The following EBF1 variants were observed in gnomAD, a reference collection of about 807,000 sequenced individuals.
The protein encoded by EBF1 is transcription factor COE1.
In EBF1, 10 loss-of-function variants were observed where a neutral mutation model predicts 68.4. That is an observed-to-expected ratio of 0.15 (90% CI 0.09 to 0.25). EBF1 has a LOEUF of 0.25. Among genes scored for constraint, EBF1 ranks in the 10% least tolerant of loss-of-function variants. The probability of loss-of-function intolerance (pLI) is 1.00; values close to 1 mark genes in which losing one functional copy is unlikely to be tolerated. For synonymous variants in EBF1, 298 were observed against 299.8 expected, an observed-to-expected ratio of 0.99 and a Z score of 0.06; for missense variants, 509 against 794.4, an observed-to-expected ratio of 0.64 and a Z score of 4.32.
chr5:158,947,257 G>A (rs1242225537), intron 6 of EBF1, among the ~76,000 whole-genome samples: 1 of 152,106 alleles, frequency 6.6e-6, no homozygotes, highest in Non-Finnish European at 1.5e-5. Flanking sequence ...AACTCCTGCA[G>A]CTAGCTCGGT....
chr5:158,979,147 T>C (rs933463623), intron 6 of EBF1, among the ~76,000 whole-genome samples: 64 of 152,286 alleles, frequency 4.2e-4, no homozygotes, highest in Non-Finnish European at 2.9e-5. Flanking sequence ...TTGGAGACTA[T>C]AGGAAAACAG....
Position 158,975,234 on chromosome 5 carries a change from C to G in EBF1, c.554+98162G>C, listed in dbSNP as rs371606471. On this transcript the variant is annotated intron_variant, in intron 6 of 15. Coordinates refer to ENST00000313708, the MANE Select transcript of EBF1 (RefSeq NM_024007.5). ...TCTCACATTAAAACCCAGTCTCCTA[C>G]ACCTCCTGTATCTCTTTCCATAGTC... Among the ~76,000 whole-genome samples the G allele has an allele frequency of 2.0e-5, 3 of 152,346 alleles. No individual in the cohort carries two copies. In the East Asian group the frequency reaches 5.8e-4, roughly 29 times the overall value.
chr5:158,726,300 T>C (rs1762972120), intron 11 of EBF1, among the ~76,000 whole-genome samples: 1 of 152,138 alleles, frequency 6.6e-6, no homozygotes, highest in Non-Finnish European at 1.5e-5. Flanking sequence ...CTGAAGTCAA[T>C]TCTGTACTAT....
At chr5:158,802,147 T>C (rs1780712582) in intron 8 of EBF1, among the ~76,000 whole-genome samples, 1 of 152,088 alleles carries the variant, frequency 6.6e-6, no homozygotes, top group Non-Finnish European at 1.5e-5. Context: ...GCTCTTATTT[T>C]TCCTTCTGAA....
intron 4 of EBF1, among the ~76,000 whole-genome samples, chr5:159,093,190 C>T (rs1326073358): frequency 6.6e-6 from 1 of 152,116 alleles, no homozygotes; most frequent in Non-Finnish European, 1.5e-5. Context: ...AACCTACTTC[C>T]AAAACTCTTG....
chr5:158,851,521 G>C (rs1163242628), intron 6 of EBF1, among the ~76,000 whole-genome samples: 9 of 57,680 alleles, frequency 1.6e-4, no homozygotes, highest in African/African-American at 6.5e-4. Flanking sequence ...GAAGGGGAGG[G>C]GGGAGAAAGG....
intron 6 of EBF1, among the ~76,000 whole-genome samples, chr5:158,957,010 G>T (rs889406947): frequency 6.6e-6 from 1 of 152,056 alleles, no homozygotes; most frequent in African/African-American, 2.4e-5. Context: ...CACCTGTCTA[G>T]GCCTCCCAAA....
chr5:158,822,692 A>G (rs975676416), intron 8 of EBF1, among the ~76,000 whole-genome samples: 4 of 152,192 alleles, frequency 2.6e-5, no homozygotes, highest in African/African-American at 9.6e-5. Context: ...CTGATCTCCA[A>G]ATGAAGTTCA....
chr5:158,835,878 A>G (rs1788666524), intron 7 of EBF1, among the ~76,000 whole-genome samples: 1 of 152,228 alleles, frequency 6.6e-6, no homozygotes, highest in African/African-American at 2.4e-5. Flanking sequence ...ATGATAACTC[A>G]TGTAAAATAC....
chr5:158,974,724 A>G (rs1049776581), intron 6 of EBF1, among the ~76,000 whole-genome samples: 4 of 152,238 alleles, frequency 2.6e-5, no homozygotes, highest in African/African-American at 9.6e-5. Flanking sequence ...AGTATTTTGT[A>G]AATCCATATT....
chr5:158,828,113 C>G (rs1404100314), intron 7 of EBF1, among the ~76,000 whole-genome samples: 1 of 152,068 alleles, frequency 6.6e-6, no homozygotes, highest in Non-Finnish European at 1.5e-5. Flanking sequence ...AATCACAAAG[C>G]TTTAAAAATA....
chr5:158,945,122 T>C (rs556923597), intron 6 of EBF1, among the ~76,000 whole-genome samples: 1 of 152,362 alleles, frequency 6.6e-6, no homozygotes, highest in South Asian at 2.1e-4. Context: ...TTGCCTTTAG[T>C]ATTTTAGTCA....
chr5:158,914,622 G>A (rs1057282576), intron 6 of EBF1, among the ~76,000 whole-genome samples: 1 of 152,032 alleles, frequency 6.6e-6, no homozygotes, highest in Non-Finnish European at 1.5e-5. Context: ...AAGGAGGGGG[G>A]GAAATGCCCA....
chr5:158,987,253 G>A (rs1216476603), intron 6 of EBF1: 1 of 152,186 alleles, frequency 6.6e-6, no homozygotes, highest in African/African-American at 2.4e-5. Flanking sequence ...GATAGCATCA[G>A]TATCTCCTAC....
chr5:158,989,696 T>C (rs541539457), intron 6 of EBF1, among the ~76,000 whole-genome samples: 3 of 152,290 alleles, frequency 2.0e-5, no homozygotes, highest in Admixed American at 6.5e-5. Context: ...CTTACTCCCC[T>C]TTCTCAAGTC....
chr5:158,774,147 C>A (rs962781797), intron 10 of EBF1, among the ~76,000 whole-genome samples: 6 of 152,100 alleles, frequency 3.9e-5, no homozygotes, highest in African/African-American at 1.4e-4. Flanking sequence ...TCTGATTGGA[C>A]AAACACAAGG....
At chr5:158,819,680 GC>G (rs1435327050) in intron 8 of EBF1, among the ~76,000 whole-genome samples, 11 of 152,178 alleles carry the variant, frequency 7.2e-5, no homozygotes, top group African/African-American at 2.4e-4. Flanking sequence ...CCGAGCTCAT[GC>G]TTTTTCAAAA....
intron 11 of EBF1, among the ~76,000 whole-genome samples, chr5:158,729,150 T>C (rs1302623264): frequency 6.6e-6 from 1 of 152,162 alleles, no homozygotes; most frequent in African/African-American, 2.4e-5. Flanking sequence ...AAATAAGTCA[T>C]TGTAATAAAA....
At chr5:158,840,373 T>C (rs1789949196) in intron 6 of EBF1, among the ~76,000 whole-genome samples, 1 of 152,182 alleles carries the variant, frequency 6.6e-6, no homozygotes, top group African/African-American at 2.4e-5. Context: ...TTTTCACTCA[T>C]ACAGAGGGAA....
Sources: allele counts gnomAD v4.1 joint callset (sites outside exome capture counted in the v4.1 genomes callset), GRCh38; gene constraint gnomAD v4.1.1; transcripts MANE v1.5; gene names NCBI Gene and HGNC (gene_info 2026-07-23, HGNC 2026-07-21).